The following PDE3B variants were observed in gnomAD, a reference collection of about 807,000 sequenced individuals.
The protein encoded by PDE3B is cGMP-inhibited 3',5'-cyclic phosphodiesterase 3B.
In PDE3B, 66 loss-of-function variants were observed where a neutral mutation model predicts 116.8. The observed-to-expected ratio is 0.56, with a 90% CI of 0.46 to 0.69. PDE3B has a LOEUF of 0.69. Ranked by LOEUF, PDE3B falls within the 30% of genes least tolerant of loss-of-function variation. The probability of loss-of-function intolerance (pLI) is 0.00; values close to 1 mark genes in which losing one functional copy is unlikely to be tolerated. For missense variants in PDE3B, 1,384 were observed against 1,368.1 expected, an observed-to-expected ratio of 1.01 and a Z score of -0.18; for synonymous variants, 595 against 533.6, an observed-to-expected ratio of 1.12 and a Z score of -1.59.
At chr11:14,654,509 G>C (rs1765724732) in intron 1 of PDE3B, among the ~76,000 whole-genome samples, 1 of 152,032 alleles carries the variant, frequency 6.6e-6, no homozygotes, top group South Asian at 2.1e-4. Flanking sequence ...AAAAATTGAG[G>C]GAGTTTTTAC....
chr11:14,722,407 A>T (rs1470514956), intron 1 of PDE3B, among the ~76,000 whole-genome samples: 1 of 152,192 alleles, frequency 6.6e-6, no homozygotes, highest in African/African-American at 2.4e-5. Flanking sequence ...AAAAAAATAA[A>T]TCCAATAAAA....
the PDE3B span, among the ~76,000 whole-genome samples, chr11:14,883,041 A>C: frequency 6.6e-6 from 1 of 152,230 alleles, no homozygotes; most frequent in Non-Finnish European, 1.5e-5. Flanking sequence ...AGAGGAAACA[A>C]ACAAATGGAA....
intron 2 of PDE3B, among the ~76,000 whole-genome samples, chr11:14,783,820 G>T (rs1171819342): frequency 6.6e-6 from 1 of 152,104 alleles, no homozygotes; most frequent in African/African-American, 2.4e-5. Context: ...AAAAGAATCT[G>T]TCAGTAAGAG....
At chr11:14,746,739 A>G (rs1856919143) in intron 1 of PDE3B, among the ~76,000 whole-genome samples, 1 of 152,218 alleles carries the variant, frequency 6.6e-6, no homozygotes, top group African/African-American at 2.4e-5. Flanking sequence ...AAAAAATGGA[A>G]TAGTGGCAAG....
chr11:14,682,614 A>T (rs1222880459), intron 1 of PDE3B, among the ~76,000 whole-genome samples: 1 of 152,074 alleles, frequency 6.6e-6, no homozygotes, highest in African/African-American at 2.4e-5. Context: ...TGTTAATATG[A>T]TGGATTATAT....
At chr11:14,708,016 T>C (rs1055707394) in intron 1 of PDE3B, among the ~76,000 whole-genome samples, 1 of 152,088 alleles carries the variant, frequency 6.6e-6, no homozygotes, top group Non-Finnish European at 1.5e-5. Context: ...TTGGTTGCAA[T>C]GGTTTGGATG....
intron 1 of PDE3B, among the ~76,000 whole-genome samples, chr11:14,656,792 A>G (rs898899323): frequency 2.0e-5 from 3 of 152,308 alleles, no homozygotes; most frequent in South Asian, 4.1e-4. Flanking sequence ...TGAAATTCTC[A>G]TCCTTGAATT....
the PDE3B span, among the ~76,000 whole-genome samples, chr11:14,893,946 G>C: frequency 3.3e-5 from 5 of 152,292 alleles, no homozygotes; most frequent in East Asian, 5.8e-4. Flanking sequence ...ATTCCAAACA[G>C]AGGAAATATC....
At chr11:14,656,456 G>C (rs1395553198) in intron 1 of PDE3B, among the ~76,000 whole-genome samples, 1 of 152,120 alleles carries the variant, frequency 6.6e-6, no homozygotes. Context: ...GTGAAGAAAA[G>C]AACTGTGGGT....
At chr11:14,801,849 G>A (rs1037983817) in intron 4 of PDE3B, among the ~76,000 whole-genome samples, 1 of 152,208 alleles carries the variant, frequency 6.6e-6, no homozygotes, top group East Asian at 1.9e-4. Context: ...GGAGAAATCT[G>A]GCAGTCTGGC....
Position 14,861,254 on chromosome 11 carries a change from G to A in PDE3B, c.2774G>A (p.Arg925His), listed in dbSNP as rs782201079. The change falls in exon 14 of 16, where the codon CGC (arginine) becomes CAC (histidine). Residue 925 changes from arginine (R) to histidine (H), a missense_variant. This residue lies in a region of PDE3B where 428 missense variants were observed against 561.4 expected (regional missense o/e 0.76). Transcript: ENST00000282096. ...ATAGAATGGAGTAATGAAAATGATC[G>A]CCTCTTGGTATGCCAGGTGTGCATC... is the stretch of plus-strand genomic sequence containing the variant. ...NGIEWSNEND[R>H]LLVCQVCIKL... 1.2e-6 allele frequency: 2 copies of A among 1,613,226 alleles called. No homozygotes were observed. The highest frequency in any genetic ancestry group is 8.5e-7 in the Non-Finnish European group (1 of 1,179,282).
At chr11:14,814,298 G>C (rs190240925) in intron 5 of PDE3B, among the ~76,000 whole-genome samples, 11 of 152,214 alleles carry the variant, frequency 7.2e-5, no homozygotes, top group African/African-American at 2.2e-4. Context: ...ATAAATATTG[G>C]AAAGGAAGAT....
At chr11:14,755,017 C>G (rs1288306445) in intron 1 of PDE3B, among the ~76,000 whole-genome samples, 1 of 152,200 alleles carries the variant, frequency 6.6e-6, no homozygotes, top group African/African-American at 2.4e-5. Flanking sequence ...CCACCCTCAA[C>G]CACGATTACT....
intron 1 of PDE3B, among the ~76,000 whole-genome samples, chr11:14,760,922 C>T (rs1857343636): frequency 6.6e-6 from 1 of 152,132 alleles, no homozygotes; most frequent in South Asian, 2.1e-4. Flanking sequence ...GTGTTGGGAA[C>T]ATTACAGTTC....
chr11:14,689,146 A>G (rs1854977014), intron 1 of PDE3B, among the ~76,000 whole-genome samples: 1 of 152,188 alleles, frequency 6.6e-6, no homozygotes, highest in African/African-American at 2.4e-5. Flanking sequence ...AAGTCCTATG[A>G]TTTCATTGTG....
At chr11:14,784,071 T>C (rs1002772090) in intron 2 of PDE3B, among the ~76,000 whole-genome samples, 2 of 152,150 alleles carry the variant, frequency 1.3e-5, no homozygotes, top group Admixed American at 1.3e-4. Context: ...CTTATGAGAA[T>C]CTAAGGCCTG....
At chr11:14,699,788 G>A (rs1404717881) in intron 1 of PDE3B, among the ~76,000 whole-genome samples, 3 of 151,748 alleles carry the variant, frequency 2.0e-5, no homozygotes, top group South Asian at 4.1e-4. Context: ...TAAAGCAGAA[G>A]GTGTTATTTA....
chr11:14,883,405 A>G, the PDE3B span, among the ~76,000 whole-genome samples: 1 of 152,232 alleles, frequency 6.6e-6, no homozygotes, highest in Non-Finnish European at 1.5e-5. Flanking sequence ...CTGATCTTTG[A>G]CGAACCTGAG....
intron 1 of PDE3B, among the ~76,000 whole-genome samples, chr11:14,705,034 T>A (rs1388354846): frequency 6.6e-6 from 1 of 151,722 alleles, no homozygotes. Context: ...ATTGACTCAA[T>A]TTAAAATAGG....
Sources: gnomAD v4.1 joint callset for allele counts (sites outside exome capture counted in the v4.1 genomes callset) on GRCh38, gnomAD v4.1.1 for gene constraint, gnomAD v4.1.1 regional missense constraint, MANE v1.5 for transcripts, NCBI Gene and HGNC (gene_info 2026-07-23, HGNC 2026-07-21) for gene names.